HIVEP1: variants seen among roughly 807,000 people sequenced by gnomAD.
The protein encoded by HIVEP1 is zinc finger protein 40.
In HIVEP1, 36 loss-of-function variants were observed where a neutral mutation model predicts 180.0. The ratio of observed to expected loss-of-function variants is 0.20; its 90% CI spans 0.15 to 0.26. HIVEP1 has a LOEUF of 0.26. Among genes scored for constraint, HIVEP1 ranks in the 10% least tolerant of loss-of-function variants. HIVEP1 has a pLI of 1.00. For missense variants in HIVEP1, 3,143 were observed against 3,268.7 expected (o/e 0.96, Z 0.94); for synonymous variants, 1,239 against 1,239.0 (o/e 1.00, Z 0.00).
chr6:12,086,960 A>C (rs1773160352), intron 2 of HIVEP1, among the ~76,000 whole-genome samples: 2 of 152,254 alleles, frequency 1.3e-5, no homozygotes, highest in South Asian at 4.1e-4. Flanking sequence ...AGAATTATAA[A>C]AACACACTAA....
the HIVEP1 span, among the ~76,000 whole-genome samples, chr6:12,193,500 C>A: frequency 1.1e-4 from 17 of 152,176 alleles, no homozygotes; most frequent in African/African-American, 3.9e-4. Context: ...TTTTCAAGGT[C>A]TTATCCTCAT....
At chr6:12,048,672 C>A (rs144928566) in intron 2 of HIVEP1, among the ~76,000 whole-genome samples, 197 of 152,282 alleles carry the variant, frequency 1.3e-3, no homozygotes, top group African/African-American at 4.6e-3. Context: ...GTTTAAAGAA[C>A]CATAGAGGCT....
chr6:12,184,022 TAGACAGAC>T, the HIVEP1 span, among the ~76,000 whole-genome samples: 4,429 of 101,602 alleles, frequency 0.044, 161 homozygotes, highest in African/African-American at 0.097. Context: ...GATAGATAGA[TAGACAGAC>T]AGACAGACAG....
chr6:12,124,057 T>C lies in HIVEP1; in HGVS notation c.4262T>C (p.Leu1421Pro). 1 of 1,614,132 alleles carries C rather than the reference T, an allele frequency of 6.2e-7. No homozygotes were observed. Among genetic ancestry groups the C allele is most frequent in the Non-Finnish European group, 8.5e-7 (1 of 1,180,016 alleles). ...GTGGGAGTGACTGGGCATGTGCCTC[T>C]CTTAGAAAGAAGGAGAGGCCCACTG... The part of the protein sequence containing the change: ...SRVGVTGHVP[L>P]LERRRGPLVR... Residue 1421 changes from leucine (L) to proline (P), a missense_variant, in exon 4 of 9, where the codon CTC becomes CCC. By Grantham distance (98) the Leu-to-Pro change is moderately conservative. Coordinates refer to ENST00000379388, the MANE Select transcript of HIVEP1 (RefSeq NM_002114.4).
intron 6 of HIVEP1, among the ~76,000 whole-genome samples, chr6:12,134,204 A>G (rs1177864779): frequency 1.3e-5 from 2 of 152,196 alleles, no homozygotes; most frequent in Non-Finnish European, 2.9e-5. Context: ...AATAATTGCT[A>G]AGATTTTGCC....
rs1165483586 is a variant in HIVEP1, at chr6:12,164,313, A to T, written c.8009A>T (p.Glu2670Val). The change falls in exon 9 of 9, where the codon GAA becomes GTA. Residue 2670 changes from glutamate (E) to valine (V), a missense_variant. Transcript: ENST00000379388. ...TSQPLLKAHS[E>V]VFTKPSGQQT... Reference sequence around the variant, plus strand: ...CAACCTCTGCTGAAGGCACATTCTGAAGTTTTTACAAAGCCCTCAGGCCAG... The same window carrying T: ...CAACCTCTGCTGAAGGCACATTCTGTAGTTTTTACAAAGCCCTCAGGCCAG... The T allele has an allele frequency of 6.2e-7, 1 of 1,613,874 alleles. No individual in the cohort carries two copies. The highest frequency in any genetic ancestry group is 8.5e-7 in the Non-Finnish European group (1 of 1,180,014).
chr6:12,017,015 C>T (rs1767809433), intron 2 of HIVEP1, among the ~76,000 whole-genome samples: 1 of 152,216 alleles, frequency 6.6e-6, no homozygotes, highest in Non-Finnish European at 1.5e-5. Context: ...CAGCTAATGG[C>T]AGCCCAAATA....
rs539484956 is a variant in HIVEP1, at chr6:12,014,473, G to A, written c.-103-1053G>A. The stretch of plus-strand genomic sequence containing the variant: ...GAAAGTACACAGGCACATAGTAGGT[G>A]CTCATAAGTGTTCTCTTGTCTTCTA... On this transcript the variant is annotated intron_variant, in intron 1 of 8. Transcript: ENST00000379388. 6.5e-4 allele frequency among the ~76,000 whole-genome samples: 99 copies of A among 152,316 alleles called. 1 individual carries two copies. The South Asian group carries it at 0.02, about 30-fold the overall frequency.
At chr6:12,161,363 G>A (rs763706661) in intron 7 of HIVEP1, 76 bp from the exon 8 acceptor site, 40 of 1,395,260 alleles carry the variant, frequency 2.9e-5, no homozygotes, top group Non-Finnish European at 3.8e-5. Flanking sequence ...GTTGCCAAAC[G>A]TATAAAAAAT....
intron 2 of HIVEP1, 80 bp downstream of exon 2, chr6:12,015,748 T>A: frequency 7.6e-7 from 1 of 1,318,962 alleles, no homozygotes; most frequent in East Asian, 2.3e-5. Flanking sequence ...GGAATGGCCG[T>A]TTGTTAGATG....
the HIVEP1 span, among the ~76,000 whole-genome samples, chr6:12,204,734 C>T: frequency 6.6e-6 from 1 of 152,172 alleles, no homozygotes; most frequent in Non-Finnish European, 1.5e-5. Flanking sequence ...AGTGAATAAA[C>T]ACACAAAGAC....
At chr6:12,128,437 C>T (rs928408544) in intron 4 of HIVEP1, among the ~76,000 whole-genome samples, 1 of 152,160 alleles carries the variant, frequency 6.6e-6, no homozygotes, top group Non-Finnish European at 1.5e-5. Context: ...TAAGTCATTT[C>T]AGCACCACAG....
At chr6:12,090,842 A>G (rs771564140) in intron 3 of HIVEP1, among the ~76,000 whole-genome samples, 35 of 148,366 alleles carry the variant, frequency 2.4e-4, no homozygotes, top group Non-Finnish European at 4.9e-4. Flanking sequence ...TTCTTTGGCA[A>G]GAGTTTTCAG....
chr6:12,042,870 G>A (rs1769867325), intron 2 of HIVEP1, among the ~76,000 whole-genome samples: 1 of 152,072 alleles, frequency 6.6e-6, no homozygotes, highest in South Asian at 2.1e-4. Flanking sequence ...TATAATTGAT[G>A]TTTTGAATTC....
chr6:12,010,931 C>T (rs1050585478), upstream of HIVEP1, among the ~76,000 whole-genome samples: 1 of 152,160 alleles, frequency 6.6e-6, no homozygotes, highest in Non-Finnish European at 1.5e-5. Context: ...CAGCCCCGCA[C>T]CCCCCTTTTC....
chr6:12,025,175 C>G (rs1768495972), intron 2 of HIVEP1, among the ~76,000 whole-genome samples: 1 of 152,150 alleles, frequency 6.6e-6, no homozygotes, highest in Admixed American at 6.5e-5. Context: ...AACCATCATG[C>G]TTATACTTGC....
the HIVEP1 span, among the ~76,000 whole-genome samples, chr6:12,207,799 CA>C: frequency 8.8e-6 from 1 of 113,782 alleles, no homozygotes; most frequent in East Asian, 2.6e-4. Context: ...ACCGTGGTCT[CA>C]GCTTCTCTGG....
chr6:12,124,484 T>C lies in HIVEP1; in HGVS notation c.4689T>C (p.His1563=), dbSNP rs1402234586. 1 of 1,614,168 alleles carries C rather than the reference T, an allele frequency of 6.2e-7. No homozygotes were observed. The highest frequency in any genetic ancestry group is 1.1e-5 in the South Asian group (1 of 91,082). ...EDCFAPKYQL[H]CQVFTSGPSC... ...GCTTTGCTCCCAAATACCAATTGCA[T>C]TGTCAGGTTTTCACTTCAGGCCCAT... The change falls in exon 4 of 9, where the codon CAT becomes CAC. Residue 1563 remains histidine, a synonymous_variant. Transcript: ENST00000379388.
At chr6:12,022,561 G>A (rs1412151492) in intron 2 of HIVEP1, among the ~76,000 whole-genome samples, 2 of 152,176 alleles carry the variant, frequency 1.3e-5, no homozygotes, top group East Asian at 1.9e-4. Flanking sequence ...GACTTGCTAT[G>A]TGGTTGGTTT....
Sources: gnomAD v4.1 joint callset for allele counts (sites outside exome capture counted in the v4.1 genomes callset) on GRCh38, gnomAD v4.1.1 for gene constraint, MANE v1.5 for transcripts, NCBI Gene and HGNC (gene_info 2026-07-23, HGNC 2026-07-21) for gene names.